The following KCNT1 variants were observed in gnomAD, a reference collection of about 807,000 sequenced individuals.
KCNT1 encodes potassium sodium-activated channel subfamily T member 1, also known as potassium channel subfamily T member 1.
In KCNT1, 78 loss-of-function variants were observed where a neutral mutation model predicts 147.8. The ratio of observed to expected loss-of-function variants is 0.53; its 90% confidence interval spans 0.44 to 0.64. The LOEUF (loss-of-function observed/expected upper bound fraction) is 0.64, where lower values mean the gene tolerates loss of function less well. KCNT1 is among the 30% of genes least tolerant of loss of function. The pLI is 0.00. For synonymous variants in KCNT1, 867 were observed against 748.8 expected (o/e 1.16, Z -2.58); for missense variants, 1,419 against 1,750.3 (o/e 0.81, Z 3.38).
intron 5 of KCNT1, 128 bp from the exon 6 acceptor site, chr9:135,754,993 G>A: frequency 1.3e-6 from 1 of 771,850 alleles, no homozygotes. Flanking sequence ...GGCTCCTTTG[G>A]TCCAGCCCCA....
chr9:135,777,414 C>T lies in KCNT1; in HGVS notation c.2426C>T (p.Thr809Met), dbSNP rs753288865. The change falls in exon 21 of 31, where the codon ACG (threonine) becomes ATG (methionine). Residue 809 changes from threonine (T) to methionine (M), a missense_variant. Physicochemically the swap from Thr to Met is moderately conservative, Grantham distance 81 (BLOSUM62 -1). This residue lies in a region of KCNT1 where 247 missense variants were observed against 397.1 expected (regional missense o/e 0.62). Transcript: ENST00000371757. ...AAGCTGATCATCGTCTCGGCAGAGA[C>T]GGCCGGCAATGGGCTGTACAACTTC... is the stretch of plus-strand genomic sequence containing the variant. ...KNKLIIVSAETAGNGLYNFIV... is the reference protein window; with the variant it reads ...KNKLIIVSAEMAGNGLYNFIV... The T allele has an allele frequency of 1.2e-6, 2 of 1,614,078 alleles. No homozygotes were observed. The highest frequency in any genetic ancestry group is 1.1e-5 in the South Asian group (1 of 91,086).
At chr9:135,768,986 T>C in intron 15 of KCNT1, 49 bp downstream of exon 15, 1 of 1,396,250 alleles carries the variant, frequency 7.2e-7, no homozygotes, top group East Asian at 2.3e-5. Context: ...GCAGGGCACG[T>C]GTGCACACGT....
intron 2 of KCNT1, among the ~76,000 whole-genome samples, chr9:135,731,979 T>TAGAG (rs1836468197): frequency 3.5e-5 from 1 of 28,228 alleles, no homozygotes; most frequent in Non-Finnish European, 7.0e-5. Context: ...TATATATATA[T>TAGAG]ATATATATAT....
rs767434859 is a variant in KCNT1 at position 135,765,033 on chromosome 9, C to T, written c.1038C>T (p.Phe346=). ...CVALVVLPLQ[F]EELVYLWMER... ...GCTCACCTGTTTCTCACCTGCAGTT[C>T]GAGGAGCTCGTCTACCTCTGGATGG... is the stretch of plus-strand genomic sequence containing the variant. The change falls in exon 12 of 31, where the codon TTC becomes TTT. Residue 346 remains phenylalanine, a splice_region_variant and synonymous_variant. Transcript: ENST00000371757. 2.7e-5 allele frequency: 43 copies of T among 1,605,156 alleles called. No homozygotes were observed. The highest frequency in any genetic ancestry group is 6.7e-5 in the Admixed American group (4 of 59,806).
intron 23 of KCNT1, 90 bp from the exon 24 acceptor site, chr9:135,779,269 A>G: frequency 1.1e-5 from 4 of 369,518 alleles, no homozygotes; most frequent in East Asian, 6.3e-5. Context: ...CCCCGCCCTG[A>G]GACCCCCACA....
In KCNT1 at chr9:135,730,848, T is replaced by C. The variant is rs1196861084; in HGVS notation, c.254+16128T>C. On this transcript the variant is annotated intron_variant, in intron 2 of 30. Transcript: ENST00000371757. This position sits in a 1 kb window ranked among gnomAD's most constrained non-coding sequence, Gnocchi z 4.7. ...AAAAAATACAAAACTTAGCCGAGCATGGTGGTGCATGCCTGTAGTCCCAGC... is the reference window on the plus strand; with the variant it reads ...AAAAAATACAAAACTTAGCCGAGCACGGTGGTGCATGCCTGTAGTCCCAGC... Among the ~76,000 whole-genome samples, 5 of 151,618 alleles carry C rather than the reference T, an allele frequency of 3.3e-5. No individual in the cohort carries two copies. Among genetic ancestry groups the C allele is most frequent in the African/African-American group, 1.2e-4 (5 of 41,260 alleles).
chr9:135,792,115 A>G lies in KCNT1; in HGVS notation c.3662A>G (p.Lys1221Arg), dbSNP rs1834585051. The change falls in exon 31 of 31, where the codon AAG becomes AGG. Residue 1221 changes from lysine to arginine, a missense_variant. Physicochemically the swap from Lys to Arg is conservative, Grantham distance 26 (BLOSUM62 2). Transcript: ENST00000371757. ...AGCCGGAAGAGCAGCTGCAGCCACA[A>G]GCTGTCGTCCTGCAACCCCGAGACT... ...SQSRKSSCSH[K>R]LSSCNPETRD... 2 of 1,605,858 alleles carry G rather than the reference A, an allele frequency of 1.2e-6. No individual in the cohort carries two copies. The highest frequency in any genetic ancestry group is 1.3e-5 in the African/African-American group (1 of 75,018).
At chr9:135,781,742 C>G (rs1402382053) in intron 24 of KCNT1, among the ~76,000 whole-genome samples, 1 of 152,124 alleles carries the variant, frequency 6.6e-6, no homozygotes, top group Non-Finnish European at 1.5e-5. Flanking sequence ...CCAGGCACGA[C>G]TCCGGAAGGA....
At chr9:135,785,454 G>A in intron 28 of KCNT1, 124 bp downstream of exon 28, 1 of 1,231,642 alleles carries the variant, frequency 8.1e-7, no homozygotes, top group South Asian at 1.3e-5. Flanking sequence ...AGCCGAGGCA[G>A]GAGCGGGTCC....
In KCNT1 at chr9:135,772,947, A is replaced by G; in HGVS notation, c.2241A>G (p.Val747=). The G allele has an allele frequency of 6.7e-7, 1 of 1,483,776 alleles. No individual in the cohort carries two copies. The highest frequency in any genetic ancestry group is 1.3e-5 in the South Asian group (1 of 74,490). 91.9% of individuals were successfully genotyped at this position (1,483,776 alleles called of 1,614,324 possible). The change falls in exon 19 of 31, where the codon GTA becomes GTG. Residue 747 remains valine, a splice_region_variant and synonymous_variant. Coordinates refer to ENST00000371757, the MANE Select transcript of KCNT1 (RefSeq NM_020822.3). ...CGGACGACGAGGGGCTCTCCGTGGT[A>G]GAGTGAGTGCTGCCTTGGAGACGGC... is the stretch of plus-strand genomic sequence containing the variant. ...TPSDDEGLSV[V]EYVKGYPPNS... is the part of the protein sequence containing the mutation.
chr9:135,791,796 G>A lies in KCNT1; in HGVS notation c.3503-1G>A. 2 of 1,613,762 alleles carry A rather than the reference G, an allele frequency of 1.2e-6. No homozygotes were observed. The highest frequency in any genetic ancestry group is 8.5e-7 in the Non-Finnish European group (1 of 1,179,848). On this transcript the variant is annotated splice_acceptor_variant, in intron 29 of 30. Transcript: ENST00000371757. LOFTEE classifies it high-confidence loss of function. ...CGTCTGCCCGGCTGTGTCCTTTGCA[G>A]ACGAGATGAACGACCACCAGAACAC... is the stretch of plus-strand genomic sequence containing the variant.
At chr9:135,791,917 C>CG (rs1834565758) in intron 30 of KCNT1, 36 bp downstream of exon 30, 1 of 1,611,812 alleles carries the variant, frequency 6.2e-7, no homozygotes, top group African/African-American at 1.3e-5. Flanking sequence ...GAGACCCCCC[C>CG]TGAGCACCAG....
intron 23 of KCNT1, 71 bp downstream of exon 23, chr9:135,778,893 C>G (rs1004586414): frequency 2.4e-5 from 38 of 1,573,462 alleles, no homozygotes; most frequent in African/African-American, 4.1e-5. Flanking sequence ...GCCCTGAGAC[C>G]CCCACAGCCA....
rs1292203396 is a variant in KCNT1, at chr9:135,777,685, C to CCTCCTGCTCCCAGCTCCTCCCCACACCCA, written c.2522+200_2522+228dup. On this transcript the variant is annotated intron_variant, in intron 21 of 30. Coordinates refer to ENST00000371757, the MANE Select transcript of KCNT1 (RefSeq NM_020822.3). ...GGGACTCTCCTTCCTGCTCCCAACTCCTCCTGCTCCCAGCTCCTCCCCACA... is the reference window on the plus strand; with the variant it reads ...GGGACTCTCCTTCCTGCTCCCAACTCCTCCTGCTCCCAGCTCCTCCCCACACCCACTCCTGCTCCCAGCTCCTCCCCACA... Among the ~76,000 whole-genome samples, 300 of 151,780 alleles carry CCTCCTGCTCCCAGCTCCTCCCCACACCCA rather than the reference C, an allele frequency of 2.0e-3. 1 individual carries two copies. The highest frequency in any genetic ancestry group is 3.2e-3 in the Non-Finnish European group (218 of 67,782).
chr9:135,786,606 C>T lies in KCNT1; in HGVS notation c.3502+85C>T, dbSNP rs1244113225. The T allele has an allele frequency of 1.0e-5, 13 of 1,267,420 alleles. No homozygotes were observed. In the Admixed American group the frequency reaches 4.0e-4, roughly 39 times the overall value. 78.5% of individuals were successfully genotyped at this position (1,267,420 alleles called of 1,614,324 possible). A position where few individuals can be genotyped will look rare whatever the true frequency, so the allele number is the denominator to read the frequency against. On this transcript the variant is annotated intron_variant, in intron 29 of 30. Transcript: ENST00000371757. ...AGCCAAGAACAGTCGGCCACGGCGT[C>T]CCGGGGCCCGGGCCGTCCTCCTGTC...
chr9:135,791,915 C>A, intron 30 of KCNT1, 34 bp downstream of exon 30: 1 of 1,610,128 alleles, frequency 6.2e-7, no homozygotes. Flanking sequence ...TGGAGACCCC[C>A]CCTGAGCACC....
At chr9:135,758,057 G>T (rs558196012) in intron 9 of KCNT1, among the ~76,000 whole-genome samples, 1 of 125,520 alleles carries the variant, frequency 8.0e-6, no homozygotes, top group Non-Finnish European at 1.8e-5. Context: ...GGTGCAGGCT[G>T]CCCGTGGGCC....
intron 2 of KCNT1, among the ~76,000 whole-genome samples, chr9:135,749,618 C>A (rs921863443): frequency 6.6e-5 from 10 of 152,240 alleles, no homozygotes; most frequent in Admixed American, 4.6e-4. Context: ...GCACAGCCAC[C>A]AGCGGCCTCC....
Position 135,714,766 on chromosome 9 carries a change from C to G in KCNT1, c.254+46C>G. 8.4e-7 allele frequency: 1 copy of G among 1,184,224 alleles called. No homozygotes were observed. Among genetic ancestry groups the G allele is most frequent in the South Asian group, 2.6e-5 (1 of 37,928 alleles). The allele number at this position is 1,184,224 out of a possible 1,614,324, so 73.4% of individuals were successfully genotyped here. A position where few individuals can be genotyped will look rare whatever the true frequency, so the allele number is the denominator to read the frequency against. ...GGGGGCTGGGGTCGCCGTCCCGGCG[C>G]CGCCGCACGCCCGGAGCTGTCCGCG... On this transcript the variant is annotated intron_variant, in intron 2 of 30. Transcript: ENST00000371757. This position sits in a 1 kb window ranked among gnomAD's most constrained non-coding sequence, Gnocchi z 6.2.
Sources: allele counts gnomAD v4.1 joint callset (sites outside exome capture counted in the v4.1 genomes callset), GRCh38; gene constraint gnomAD v4.1.1; regional missense constraint gnomAD v4.1.1; non-coding constraint Gnocchi (gnomAD v3.1); transcripts MANE v1.5; gene names NCBI Gene and HGNC (gene_info 2026-07-23, HGNC 2026-07-21).